CERKL: variants seen among roughly 807,000 people sequenced by gnomAD.
CERKL encodes the protein CERK like autophagy regulator.
A neutral mutation model predicts 63.4 loss-of-function variants in CERKL; 61 were observed. That is an observed-to-expected ratio of 0.96 (90% CI 0.78 to 1.19). CERKL has a LOEUF of 1.19. Among genes scored for constraint, CERKL ranks in the 50% most tolerant of loss-of-function variants. The pLI is 0.00. For synonymous variants in CERKL, 250 were observed against 230.5 expected, an observed-to-expected ratio of 1.08 and a Z score of -0.77; for missense variants, 675 against 655.5, an observed-to-expected ratio of 1.03 and a Z score of -0.33.
At chr2:181,618,055 G>A (rs1686278636) in intron 1 of CERKL, among the ~76,000 whole-genome samples, 1 of 152,176 alleles carries the variant, frequency 6.6e-6, no homozygotes, top group South Asian at 2.1e-4. Context: ...CTCACTTTAA[G>A]TGGGTACTAA....
chr2:181,635,905 T>C (rs879624603), intron 1 of CERKL, among the ~76,000 whole-genome samples: 4 of 152,206 alleles, frequency 2.6e-5, no homozygotes, highest in Non-Finnish European at 5.9e-5. Flanking sequence ...TGTATAAAGA[T>C]TACATTATTT....
At chr2:181,567,639 T>C (rs1442591534) in intron 3 of CERKL, among the ~76,000 whole-genome samples, 1 of 152,128 alleles carries the variant, frequency 6.6e-6, no homozygotes, top group Non-Finnish European at 1.5e-5. Context: ...ACTATCTACA[T>C]CTATAAAATA....
intron 2 of CERKL, among the ~76,000 whole-genome samples, chr2:181,582,205 C>T (rs964269479): frequency 1.3e-5 from 2 of 152,178 alleles, no homozygotes; most frequent in African/African-American, 4.8e-5. Flanking sequence ...ACCAGCCCCA[C>T]TATTTGATGG....
At chr2:181,629,962 GAA>G (rs10562771) in intron 1 of CERKL, among the ~76,000 whole-genome samples, 3,485 of 130,018 alleles carry the variant, frequency 0.027, 52 homozygotes, top group Middle Eastern at 0.056. Flanking sequence ...CATTGTCTTG[GAA>G]AAAAAAAAAA....
At chr2:181,611,007 A>G (rs1459214764) in intron 1 of CERKL, among the ~76,000 whole-genome samples, 1 of 151,850 alleles carries the variant, frequency 6.6e-6, no homozygotes, top group Non-Finnish European at 1.5e-5. Flanking sequence ...GGCGGATCAC[A>G]GGGTCAGGAG....
At chr2:181,645,749 C>A (rs1019657833) in intron 1 of CERKL, among the ~76,000 whole-genome samples, 6 of 152,206 alleles carry the variant, frequency 3.9e-5, no homozygotes, top group African/African-American at 1.4e-4. Context: ...CCCAAGAGTA[C>A]TTCACTATCT....
Position 181,548,658 on chromosome 2 carries a change from T to G in CERKL, c.1073+22A>C, listed in dbSNP as rs752202160. 32 of 1,613,670 alleles carry G rather than the reference T, an allele frequency of 2.0e-5. No homozygotes were observed. The South Asian group carries it at 3.2e-4, about 16-fold the overall frequency. ...AGTCATTGAACCTGGGATACAATTTTTGGTTTAAGAAAAAGACTTACTTAA... is the reference window on the plus strand; with the variant it reads ...AGTCATTGAACCTGGGATACAATTTGTGGTTTAAGAAAAAGACTTACTTAA... On this transcript the variant is annotated intron_variant, in intron 7 of 12. Transcript: ENST00000410087.
chr2:181,619,644 G>A (rs1273291489), intron 1 of CERKL, among the ~76,000 whole-genome samples: 1 of 151,986 alleles, frequency 6.6e-6, no homozygotes, highest in African/African-American at 2.4e-5. Flanking sequence ...CTGGACCTTT[G>A]CTCCTTCATT....
In CERKL at chr2:181,550,166, C is replaced by T. The variant is rs1447739775; in HGVS notation, c.821-458G>A. 6.6e-6 allele frequency among the ~76,000 whole-genome samples: 1 copy of T among 152,078 alleles called. No individual in the cohort carries two copies. The highest frequency in any genetic ancestry group is 1.5e-5 in the Non-Finnish European group (1 of 68,004). ...AGAAAAATAAAATAACTACAAACTA[C>T]AAAAAATATGCTCTAAACACATTTA... On this transcript the variant is annotated intron_variant, in intron 5 of 12. Coordinates refer to ENST00000410087, the MANE Select transcript of CERKL (RefSeq NM_201548.5). The surrounding 1 kb of genome is among the most constrained non-coding windows in gnomAD (Gnocchi z 4.5).
Position 181,609,048 on chromosome 2 carries a change from A to G in CERKL, c.239-4969T>C, listed in dbSNP as rs559406579. Among the ~76,000 whole-genome samples, 31 of 152,346 alleles carry G rather than the reference A, an allele frequency of 2.0e-4. 1 individual carries two copies. The highest frequency in any genetic ancestry group is 7.0e-4 in the African/African-American group (29 of 41,584). On this transcript the variant is annotated intron_variant, in intron 1 of 12. Coordinates refer to ENST00000410087, the MANE Select transcript of CERKL (RefSeq NM_201548.5). ...AATCTACTGAGAGACAAAGGATTGA[A>G]TAAGTGGAGATACAACAAGTTCCAA...
At chr2:181,632,347 G>A (rs1226321179) in intron 1 of CERKL, among the ~76,000 whole-genome samples, 1 of 152,138 alleles carries the variant, frequency 6.6e-6, no homozygotes, top group Non-Finnish European at 1.5e-5. Context: ...TAATTATAAA[G>A]AGTGTGTCTT....
At chr2:181,570,013 G>A (rs1688837057) in intron 3 of CERKL, among the ~76,000 whole-genome samples, 2 of 152,062 alleles carry the variant, frequency 1.3e-5, no homozygotes, top group African/African-American at 2.4e-5. Context: ...GAATATTTTT[G>A]AAATATGAAT....
At chr2:181,592,691 G>C (rs987678656) in intron 2 of CERKL, among the ~76,000 whole-genome samples, 1 of 152,182 alleles carries the variant, frequency 6.6e-6, no homozygotes, top group African/African-American at 2.4e-5. Context: ...TAAGAACATG[G>C]ACTGTGGGGA....
At chr2:181,592,837 T>C (rs188874211) in intron 2 of CERKL, among the ~76,000 whole-genome samples, 93 of 152,272 alleles carry the variant, frequency 6.1e-4, no homozygotes, top group African/African-American at 1.8e-3. Context: ...CACAGTACAT[T>C]CCATGACACA....
chr2:181,598,526 A>G (rs1685319684), intron 2 of CERKL, among the ~76,000 whole-genome samples: 1 of 151,928 alleles, frequency 6.6e-6, no homozygotes. Context: ...CTCCCCTGTC[A>G]GGACAGGTGC....
intron 5 of CERKL, among the ~76,000 whole-genome samples, chr2:181,554,122 G>T (rs1320340462): frequency 3.0e-5 from 4 of 133,294 alleles, no homozygotes; most frequent in African/African-American, 1.1e-4. Flanking sequence ...AGCAGTTCAT[G>T]TAAAGAATTA....
At chr2:181,609,485 CAGAAGTTCG>C (rs1464089336) in intron 1 of CERKL, among the ~76,000 whole-genome samples, 1 of 137,106 alleles carries the variant, frequency 7.3e-6, no homozygotes, top group Non-Finnish European at 1.5e-5. Flanking sequence ...CACCTGAGAT[CAGAAGTTCG>C]AGACCAGCCT....
intron 11 of CERKL, among the ~76,000 whole-genome samples, 154 bp from the exon 12 acceptor site, chr2:181,539,418 T>C (rs535501929): frequency 6.6e-6 from 1 of 152,314 alleles, no homozygotes; most frequent in South Asian, 2.1e-4. Context: ...CCAACTTTTT[T>C]TGGAAGAAGG....
At chr2:181,592,810 C>G (rs1685043143) in intron 2 of CERKL, among the ~76,000 whole-genome samples, 1 of 152,118 alleles carries the variant, frequency 6.6e-6, no homozygotes, top group African/African-American at 2.4e-5. Context: ...AAATTAACAT[C>G]TGTTGGTAAT....
Sources: gnomAD v4.1 joint callset for allele counts (sites outside exome capture counted in the v4.1 genomes callset) on GRCh38, gnomAD v4.1.1 for gene constraint, Gnocchi (gnomAD v3.1) non-coding constraint, MANE v1.5 for transcripts, NCBI Gene and HGNC (gene_info 2026-07-23, HGNC 2026-07-21) for gene names.